Variants in WARS1 observed in about 807,000 individuals in gnomAD.
WARS1 encodes the protein tryptophan--tRNA ligase, cytoplasmic.
WARS1 carries 17 observed loss-of-function variants against 47.8 expected under a neutral mutation model. That is an observed-to-expected ratio of 0.36 (90% CI 0.24 to 0.53). WARS1 has a LOEUF of 0.53. Among genes scored for constraint, WARS1 ranks in the 20% least tolerant of loss-of-function variants. WARS1 has a pLI of 0.91. For synonymous variants in WARS1, 208 were observed against 228.1 expected (o/e 0.91, Z 0.79); for missense variants, 434 against 608.0 (o/e 0.71, Z 3.01).
chr14:100,346,738 C>T lies in WARS1; in HGVS notation c.826+8G>A. 6.2e-7 allele frequency: 1 copy of T among 1,609,950 alleles called. No homozygotes were observed. The highest frequency in any genetic ancestry group is 1.1e-5 in the South Asian group (1 of 90,908). ...GGGAGTGGTCCACAGCAGCAGTGGG[C>T]CTCTTACCAATGCAGTCGCTGTCAG... On this transcript the variant is annotated splice_region_variant and intron_variant, in intron 7 of 10. Coordinates refer to ENST00000392882, the MANE Select transcript of WARS1 (RefSeq NM_004184.4).
At position 100,372,929 on chromosome 14, in the gene WARS1, A is replaced by G. The variant is rs1435653228; in HGVS notation, c.-74+2354T>C. Among the ~76,000 whole-genome samples, 7 of 152,054 alleles carry G rather than the reference A, an allele frequency of 4.6e-5. 1 individual carries two copies. The East Asian group carries it at 1.3e-3, about 29-fold the overall frequency. On this transcript the variant is annotated intron_variant, in intron 1 of 10. Coordinates refer to ENST00000392882, the MANE Select transcript of WARS1 (RefSeq NM_004184.4). ...TTCTCTGCCTGAACTCTGCTGATTG[A>G]TTATCTTTCCAATTTGAACCTCAGC...
intron 6 of WARS1, 38 bp downstream of exon 6, chr14:100,353,649 C>T: frequency 6.2e-7 from 1 of 1,607,128 alleles, no homozygotes; most frequent in Non-Finnish European, 8.5e-7. Flanking sequence ...ACATCCTCCT[C>T]TACCTATTGA....
chr14:100,374,647 T>C (rs1408475882), intron 1 of WARS1: 3 of 152,196 alleles, frequency 2.0e-5, no homozygotes, highest in African/African-American at 7.2e-5. Flanking sequence ...AAGGGTGGCA[T>C]CAAGACAGCC....
intron 10 of WARS1, among the ~76,000 whole-genome samples, chr14:100,336,145 G>C (rs978841070): frequency 2.6e-5 from 4 of 151,766 alleles, no homozygotes; most frequent in Non-Finnish European, 5.9e-5. Context: ...GCATGGTGGC[G>C]GGTGCCTGTA....
At chr14:100,349,300 T>C (rs533190592) in intron 6 of WARS1, among the ~76,000 whole-genome samples, 1 of 152,212 alleles carries the variant, frequency 6.6e-6, no homozygotes, top group Non-Finnish European at 1.5e-5. Flanking sequence ...ATCACCTGAT[T>C]GATCACCTGT....
intron 3 of WARS1, among the ~76,000 whole-genome samples, chr14:100,361,290 C>T (rs1895644343): frequency 6.6e-6 from 1 of 152,210 alleles, no homozygotes. Context: ...AAGAACTTGC[C>T]CGATGTGAGA....
intron 7 of WARS1, among the ~76,000 whole-genome samples, chr14:100,345,108 C>G (rs1218001038): frequency 6.7e-6 from 1 of 149,662 alleles, no homozygotes; most frequent in Non-Finnish European, 1.5e-5. Flanking sequence ...GCGCCTCTGC[C>G]CGGCCGCCCC....
chr14:100,356,705 AT>A lies in WARS1; in HGVS notation c.423-2140del, dbSNP rs1367865630. Among the ~76,000 whole-genome samples the A allele has an allele frequency of 2.6e-5, 4 of 152,314 alleles. No individual in the cohort carries two copies. The East Asian group carries it at 7.7e-4, about 29-fold the overall frequency. On this transcript the variant is annotated intron_variant, in intron 4 of 10. Transcript: ENST00000392882. ...AACCCCATTTTCACTGGTAAAGTCT[AT>A]CAAATGTTCAAAAAAGAATTAATAC... is the stretch of plus-strand genomic sequence containing the variant.
intron 6 of WARS1, among the ~76,000 whole-genome samples, chr14:100,350,628 G>A (rs931410823): frequency 2.6e-5 from 4 of 152,154 alleles, no homozygotes; most frequent in African/African-American, 9.7e-5. Context: ...ACTATTATAG[G>A]CACTTGCTCT....
intron 9 of WARS1, among the ~76,000 whole-genome samples, chr14:100,337,957 G>C (rs1893863831): frequency 6.6e-6 from 1 of 152,134 alleles, no homozygotes; most frequent in African/African-American, 2.4e-5. Flanking sequence ...CCTCTCTTAG[G>C]GATAGGTACT....
intron 1 of WARS1, among the ~76,000 whole-genome samples, chr14:100,371,447 C>CAAAAAAAAAGAAAAAAAAAAAAAAAAAA (rs1896340681): frequency 1.1e-5 from 1 of 89,102 alleles, no homozygotes; most frequent in African/African-American, 3.3e-5. Flanking sequence ...GGTTCTGTCT[C>CAAAAAAAAAGAAAAAAAAAAAAAAAAAA]AAAAAAAAAA....
At chr14:100,363,709 A>C (rs1175239311) in intron 2 of WARS1, among the ~76,000 whole-genome samples, 1 of 152,150 alleles carries the variant, frequency 6.6e-6, no homozygotes, top group Admixed American at 6.5e-5. Flanking sequence ...CAAAAAACCC[A>C]GAACATCAGT....
At chr14:100,345,015 C>T (rs1179198402) in intron 7 of WARS1, among the ~76,000 whole-genome samples, 70 of 150,952 alleles carry the variant, frequency 4.6e-4, no homozygotes, top group Non-Finnish European at 9.2e-4. Flanking sequence ...GTCAGCCCCC[C>T]GCCCGGCCAG....
At chr14:100,344,902 G>A (rs1452822681) in intron 7 of WARS1, among the ~76,000 whole-genome samples, 9 of 151,670 alleles carry the variant, frequency 5.9e-5, no homozygotes, top group African/African-American at 2.2e-4. Flanking sequence ...CCCCGTCTGG[G>A]AAGTGAGGAG....
chr14:100,352,652 C>T (rs143823259), intron 6 of WARS1, among the ~76,000 whole-genome samples: 342 of 152,244 alleles, frequency 2.2e-3, no homozygotes, highest in Non-Finnish European at 4.1e-3. Flanking sequence ...AGGAGTAACA[C>T]GTCTTTGGGG....
intron 1 of WARS1, among the ~76,000 whole-genome samples, chr14:100,372,481 A>C (rs1382492719): frequency 1.3e-5 from 2 of 152,210 alleles, no homozygotes; most frequent in Non-Finnish European, 2.9e-5. Context: ...TTGGTGAGAT[A>C]ACTGACTCAG....
intron 9 of WARS1, among the ~76,000 whole-genome samples, chr14:100,338,375 C>T (rs1008687250): frequency 1.3e-5 from 2 of 152,036 alleles, no homozygotes; most frequent in African/African-American, 4.8e-5. Flanking sequence ...AGGTTACCTT[C>T]CTGCCTCAGC....
Position 100,354,519 on chromosome 14 carries a change from T to C in WARS1, c.470A>G (p.Tyr157Cys). 6.2e-7 allele frequency: 1 copy of C among 1,613,934 alleles called. No individual in the cohort carries two copies. Among genetic ancestry groups the C allele is most frequent in the Non-Finnish European group, 8.5e-7 (1 of 1,179,926 alleles). ...AGAGGGGCCCCGGCCCGTGTACAGA[T>C]AAAATGGCTTCTTATTTTCATAGGC... is the stretch of plus-strand genomic sequence containing the variant. Reference protein sequence around the residue: ...LDAYENKKPFYLYTGRGPSSE... With the variant: ...LDAYENKKPFCLYTGRGPSSE... The change falls in exon 5 of 11, where the codon TAT (tyrosine) becomes TGT (cysteine). Residue 157 changes from tyrosine to cysteine, a missense_variant. This residue lies in a region of WARS1 where 347 missense variants were observed against 523.8 expected (regional missense o/e 0.66). Coordinates refer to ENST00000392882, the MANE Select transcript of WARS1 (RefSeq NM_004184.4).
At chr14:100,363,792 A>G (rs994900942) in intron 2 of WARS1, among the ~76,000 whole-genome samples, 3 of 152,036 alleles carry the variant, frequency 2.0e-5, no homozygotes, top group African/African-American at 7.2e-5. Flanking sequence ...ATGTCTGGCT[A>G]ATTTTTAAAT....
Sources: gnomAD v4.1 joint callset for allele counts (sites outside exome capture counted in the v4.1 genomes callset) on GRCh38, gnomAD v4.1.1 for gene constraint, gnomAD v4.1.1 regional missense constraint, MANE v1.5 for transcripts, NCBI Gene and HGNC (gene_info 2026-07-23, HGNC 2026-07-21) for gene names.